Variants in RUNDC3B observed in about 807,000 individuals in gnomAD.
RUNDC3B encodes the protein RUN domain-containing protein 3B.
RUNDC3B carries 33 observed loss-of-function variants against 58.4 expected under a neutral mutation model. The ratio of observed to expected loss-of-function variants is 0.56; its 90% CI spans 0.43 to 0.75. The LOEUF (loss-of-function observed/expected upper bound fraction) is 0.75. RUNDC3B is among the 30% of genes least tolerant of loss of function. RUNDC3B has a pLI of 0.00. For synonymous variants in RUNDC3B, 193 were observed against 195.2 expected, an observed-to-expected ratio of 0.99 and a Z score of 0.10; for missense variants, 501 against 535.7, an observed-to-expected ratio of 0.94 and a Z score of 0.64.
chr7:87,702,175 G>C lies in RUNDC3B; in HGVS notation c.372+1621G>C, dbSNP rs867184226. Among the ~76,000 whole-genome samples the C allele has an allele frequency of 5.7e-4, 58 of 102,630 alleles. 1 individual carries two copies. Among genetic ancestry groups the C allele is most frequent in the Non-Finnish European group, 8.5e-4 (43 of 50,724 alleles). 67.3% of individuals were successfully genotyped at this position (102,630 alleles called of 152,430 possible). On this transcript the variant is annotated intron_variant, in intron 3 of 10. Coordinates refer to ENST00000394654, the MANE Select transcript of RUNDC3B (RefSeq NM_001134405.2). ...AAAAAAAAAAAAAAAAAAAAAAACA[G>C]AGATACTTTTCTCACTAATTTTTTT...
At chr7:87,788,531 T>A (rs1055642323) in intron 8 of RUNDC3B, among the ~76,000 whole-genome samples, 40 of 152,130 alleles carry the variant, frequency 2.6e-4, no homozygotes, top group African/African-American at 9.7e-4. Flanking sequence ...GAAATCTGTG[T>A]ACAGCTTGAC....
intron 7 of RUNDC3B, among the ~76,000 whole-genome samples, chr7:87,771,038 G>T (rs1475080535): frequency 6.6e-6 from 1 of 152,130 alleles, no homozygotes; most frequent in Non-Finnish European, 1.5e-5. Flanking sequence ...TATAAAAGAT[G>T]ATTGGTTTGT....
intron 6 of RUNDC3B, among the ~76,000 whole-genome samples, 173 bp from the exon 7 acceptor site, chr7:87,770,408 G>A (rs940571949): frequency 2.0e-5 from 3 of 151,922 alleles, no homozygotes; most frequent in African/African-American, 2.4e-5. Context: ...AGCAGCCCAT[G>A]CTAACTTGCC....
intron 1 of RUNDC3B, among the ~76,000 whole-genome samples, chr7:87,631,433 C>G (rs1363385978): frequency 6.6e-6 from 1 of 152,244 alleles, no homozygotes; most frequent in East Asian, 1.9e-4. Context: ...CTCTGTCTCC[C>G]AGGCTGGAGA....
At chr7:87,711,294 G>A (rs1012033875) in intron 4 of RUNDC3B, among the ~76,000 whole-genome samples, 2 of 151,770 alleles carry the variant, frequency 1.3e-5, no homozygotes, top group African/African-American at 2.4e-5. Flanking sequence ...CCATTGCACC[G>A]CAGCCTGAGC....
chr7:87,819,590 T>C (rs1308503026), intron 10 of RUNDC3B, among the ~76,000 whole-genome samples: 1 of 152,090 alleles, frequency 6.6e-6, no homozygotes, highest in African/African-American at 2.4e-5. Flanking sequence ...ATACATTCTT[T>C]TCAGCACCAC....
rs1206366161 is a variant in RUNDC3B at position 87,739,940 on chromosome 7, T to C, written c.548+60T>C. The C allele has an allele frequency of 5.1e-6, 4 of 783,164 alleles. No homozygotes were observed. The African/African-American group carries it at 5.3e-5, about 10-fold the overall frequency. 48.5% of individuals were successfully genotyped at this position (783,164 alleles called of 1,614,324 possible). ...TCTATATCTTAATAGTTTCTACTTA[T>C]GATTTTTTTCTTTCAGTTGTCTAAG... On this transcript the variant is annotated intron_variant, in intron 5 of 10. Coordinates refer to ENST00000394654, the MANE Select transcript of RUNDC3B (RefSeq NM_001134405.2).
chr7:87,820,244 A>G (rs1424204913), intron 10 of RUNDC3B, among the ~76,000 whole-genome samples: 2 of 152,238 alleles, frequency 1.3e-5, no homozygotes, highest in African/African-American at 2.4e-5. Flanking sequence ...CTACCATCAG[A>G]GAATACTACA....
At chr7:87,703,412 G>T (rs145818951) in intron 3 of RUNDC3B, among the ~76,000 whole-genome samples, 194 of 152,166 alleles carry the variant, frequency 1.3e-3, no homozygotes, top group African/African-American at 4.2e-3. Flanking sequence ...AACATTTTTA[G>T]CTCCTTAATA....
In RUNDC3B at chr7:87,712,430, A is replaced by G. The variant is rs181914550; in HGVS notation, c.458+1775A>G. ...AATCGTATCAGAATCGAGTAGCTCA[A>G]ATCTAAAAATCCTACATTAATTAAA... On this transcript the variant is annotated intron_variant, in intron 4 of 10. Transcript: ENST00000394654. Among the ~76,000 whole-genome samples the G allele has an allele frequency of 9.5e-4, 144 of 152,214 alleles. 1 individual carries two copies. Among genetic ancestry groups the G allele is most frequent in the African/African-American group, 3.3e-3 (139 of 41,568 alleles).
chr7:87,754,627 T>G (rs1244710417), intron 6 of RUNDC3B, among the ~76,000 whole-genome samples: 1 of 151,892 alleles, frequency 6.6e-6, no homozygotes, highest in East Asian at 1.9e-4. Flanking sequence ...ACAAAAAAAT[T>G]CAAAACATCA....
chr7:87,704,893 T>C (rs1055809898), intron 3 of RUNDC3B, among the ~76,000 whole-genome samples: 1 of 152,196 alleles, frequency 6.6e-6, no homozygotes, highest in African/African-American at 2.4e-5. Context: ...ATGCCTCAGA[T>C]GGTAGGTTTA....
At chr7:87,742,812 A>G (rs1584071058) in intron 6 of RUNDC3B, among the ~76,000 whole-genome samples, 1 of 152,082 alleles carries the variant, frequency 6.6e-6, no homozygotes, top group East Asian at 1.9e-4. Context: ...GGAATATAAG[A>G]CGAAAATTTA....
chr7:87,811,511 A>G (rs568568271), intron 9 of RUNDC3B, among the ~76,000 whole-genome samples: 73 of 151,490 alleles, frequency 4.8e-4, no homozygotes, highest in Non-Finnish European at 8.4e-4. Flanking sequence ...TTTTTTTTGT[A>G]TTTTTTAGTA....
At chr7:87,755,149 A>G (rs186751758) in intron 6 of RUNDC3B, among the ~76,000 whole-genome samples, 32 of 151,766 alleles carry the variant, frequency 2.1e-4, no homozygotes, top group African/African-American at 7.3e-4. Context: ...CAGCCTCCCG[A>G]GTAGCTGGGA....
At chr7:87,824,411 C>T (rs1837680226) in intron 10 of RUNDC3B, among the ~76,000 whole-genome samples, 2 of 152,320 alleles carry the variant, frequency 1.3e-5, no homozygotes, top group South Asian at 4.1e-4. Context: ...CTTTCACCTT[C>T]CACCATGATT....
chr7:87,742,984 C>T (rs776391774), intron 6 of RUNDC3B, among the ~76,000 whole-genome samples: 1 of 151,896 alleles, frequency 6.6e-6, no homozygotes, highest in Non-Finnish European at 1.5e-5. Flanking sequence ...TGTGGTGGCA[C>T]GCGCCTGTAG....
intron 1 of RUNDC3B, among the ~76,000 whole-genome samples, chr7:87,645,605 A>G (rs149034641): frequency 6.6e-6 from 1 of 152,248 alleles, no homozygotes; most frequent in Non-Finnish European, 1.5e-5. Context: ...TTATTTAAAA[A>G]TCATTCCTTT....
chr7:87,672,664 G>A (rs532232189), intron 2 of RUNDC3B, among the ~76,000 whole-genome samples: 1 of 152,292 alleles, frequency 6.6e-6, no homozygotes, highest in East Asian at 1.9e-4. Flanking sequence ...AAGACTCCAT[G>A]TAGCTCTGTC....
Sources: gnomAD v4.1 joint callset for allele counts (sites outside exome capture counted in the v4.1 genomes callset) on GRCh38, gnomAD v4.1.1 for gene constraint, MANE v1.5 for transcripts, NCBI Gene and HGNC (gene_info 2026-07-23, HGNC 2026-07-21) for gene names.